Variants in BPTF observed in about 807,000 individuals in gnomAD.
BPTF encodes the protein nucleosome-remodeling factor subunit BPTF.
A neutral mutation model predicts 292.5 loss-of-function variants in BPTF; 18 were observed. The observed-to-expected ratio is 0.06, with a 90% CI of 0.04 to 0.09. The LOEUF (loss-of-function observed/expected upper bound fraction) is 0.09. BPTF is among the 10% of genes least tolerant of loss of function. BPTF has a pLI of 1.00. For synonymous variants in BPTF, 1,225 were observed against 1,251.9 expected, an observed-to-expected ratio of 0.98 and a Z score of 0.45; for missense variants, 2,726 against 3,498.7, an observed-to-expected ratio of 0.78 and a Z score of 5.57.
chr17:67,961,651 A>C (rs2067500967), intron 24 of BPTF, among the ~76,000 whole-genome samples: 1 of 152,030 alleles, frequency 6.6e-6, no homozygotes, highest in African/African-American at 2.4e-5. Flanking sequence ...GTTTGAGACC[A>C]GTCTGGGCAA....
intron 4 of BPTF, among the ~76,000 whole-genome samples, chr17:67,878,121 T>A (rs946778120): frequency 3.9e-5 from 6 of 152,202 alleles, no homozygotes; most frequent in South Asian, 2.1e-4. Context: ...TTGCCTTTTT[T>A]AAAAAAATTA....
chr17:67,944,683 T>C, intron 20 of BPTF: 2 of 373,164 alleles, frequency 5.4e-6, no homozygotes, highest in Middle Eastern at 8.0e-4. Flanking sequence ...GATTCAGTCA[T>C]GGAGGTGATC....
Position 67,911,314 on chromosome 17 carries a change from G to A in BPTF, c.3430G>A (p.Asp1144Asn), listed in dbSNP as rs2062637226. The change falls in exon 11 of 28, where the codon GAT (aspartate) becomes AAT (asparagine). Residue 1144 changes from aspartate (D) to asparagine (N), a missense_variant. Physicochemically the swap from Asp to Asn is conservative, Grantham distance 23. Coordinates refer to ENST00000306378, the MANE Select transcript of BPTF (RefSeq NM_182641.4). ...CTTGATTCAGGGATGTTCAGAAAGT[G>A]ATTCCTCAGTTCTTAGAATGAGTGA... ...EDLIQGCSESDSSVLRMSDPS... is the reference protein window; with the variant it reads ...EDLIQGCSESNSSVLRMSDPS... 4 of 1,614,090 alleles carry A rather than the reference G, an allele frequency of 2.5e-6. No homozygotes were observed. Among genetic ancestry groups the A allele is most frequent in the Non-Finnish European group, 3.4e-6 (4 of 1,180,010 alleles).
chr17:67,971,982 A>G (rs546036124), intron 26 of BPTF, among the ~76,000 whole-genome samples: 8 of 152,230 alleles, frequency 5.3e-5, no homozygotes, highest in South Asian at 2.1e-4. Flanking sequence ...CTTTGAGAAT[A>G]TTTATTTCAA....
chr17:67,940,414 T>G, intron 18 of BPTF, 25 bp from the exon 19 acceptor site: 3 of 1,601,144 alleles, frequency 1.9e-6, no homozygotes, highest in South Asian at 2.2e-5. Context: ...GTATAAGCAT[T>G]CATAATGTTT....
chr17:67,901,121 A>G (rs187016164), intron 7 of BPTF, among the ~76,000 whole-genome samples: 1 of 152,308 alleles, frequency 6.6e-6, no homozygotes, highest in Non-Finnish European at 1.5e-5. Context: ...CACATTTTGA[A>G]GCTTCAATAA....
chr17:67,886,852 A>G (rs975613857), intron 4 of BPTF, among the ~76,000 whole-genome samples: 2 of 152,194 alleles, frequency 1.3e-5, no homozygotes, highest in African/African-American at 4.8e-5. Flanking sequence ...ACTCCAGAGT[A>G]TGGATGAACC....
intron 1 of BPTF, among the ~76,000 whole-genome samples, chr17:67,835,258 A>G (rs1247948287): frequency 6.6e-6 from 1 of 152,150 alleles, no homozygotes; most frequent in East Asian, 1.9e-4. Context: ...CTCCTGTGGC[A>G]CTAGCTGTTA....
At chr17:67,946,731 A>G (rs1382734614) in intron 21 of BPTF, among the ~76,000 whole-genome samples, 2 of 152,164 alleles carry the variant, frequency 1.3e-5, no homozygotes, top group Non-Finnish European at 2.9e-5. Flanking sequence ...GACAGATTAA[A>G]CTCATTTGCA....
chr17:67,872,671 A>T (rs749523063), intron 3 of BPTF, among the ~76,000 whole-genome samples: 1 of 152,082 alleles, frequency 6.6e-6, no homozygotes. Context: ...ACGCCACTGC[A>T]CTCCAGCCTG....
chr17:67,909,523 A>G (rs1187629752), intron 9 of BPTF, 59 bp from the exon 10 acceptor site: 8 of 1,096,626 alleles, frequency 7.3e-6, no homozygotes, highest in East Asian at 2.6e-5. Flanking sequence ...TAAACTTGAC[A>G]TATTAAAGTG....
intron 1 of BPTF, among the ~76,000 whole-genome samples, chr17:67,832,017 G>A (rs759103454): frequency 6.6e-6 from 1 of 151,818 alleles, no homozygotes; most frequent in Non-Finnish European, 1.5e-5. Context: ...TCAGCCTCCC[G>A]AGTAGGGGAC....
intron 3 of BPTF, among the ~76,000 whole-genome samples, chr17:67,871,332 C>G (rs1426388973): frequency 1.3e-5 from 2 of 150,988 alleles, no homozygotes; most frequent in African/African-American, 4.9e-5. Context: ...ATCCTAGCTA[C>G]TCGGGAAGCT....
chr17:67,855,621 G>A (rs1424666132), intron 2 of BPTF, among the ~76,000 whole-genome samples: 4 of 152,166 alleles, frequency 2.6e-5, no homozygotes, highest in Non-Finnish European at 5.9e-5. Flanking sequence ...TGTGGGCGAG[G>A]TCAGGAGACA....
chr17:67,970,526 G>A (rs1288267188), intron 26 of BPTF, among the ~76,000 whole-genome samples: 1 of 152,166 alleles, frequency 6.6e-6, no homozygotes, highest in Non-Finnish European at 1.5e-5. Context: ...AGAAGTGAAA[G>A]TTACAGAGCA....
chr17:67,923,471 C>CTTTTTTTTTTTTTTTTTTTTTT (rs58462646), intron 14 of BPTF, among the ~76,000 whole-genome samples: 1 of 67,494 alleles, frequency 1.5e-5, no homozygotes, highest in African/African-American at 5.9e-5. Flanking sequence ...CTCTCTCTGT[C>CTTTTTTTTTTTTTTTTTTTTTT]TTTTTTTTTT....
chr17:67,879,397 C>G (rs2060250948), intron 4 of BPTF, among the ~76,000 whole-genome samples: 1 of 152,144 alleles, frequency 6.6e-6, no homozygotes. Context: ...GCCTCAGCCT[C>G]CCAAAGTGCT....
intron 4 of BPTF, among the ~76,000 whole-genome samples, chr17:67,887,705 G>A (rs537789720): frequency 1.2e-4 from 19 of 152,242 alleles, no homozygotes; most frequent in African/African-American, 4.6e-4. Flanking sequence ...TGGGAAGTCC[G>A]AGCCATCATC....
At chr17:67,950,706 G>C (rs781875648) in intron 23 of BPTF, among the ~76,000 whole-genome samples, 1 of 151,988 alleles carries the variant, frequency 6.6e-6, no homozygotes, top group Admixed American at 6.6e-5. Flanking sequence ...CAGGCATGGT[G>C]GTGGGTGCCT....
Sources: gnomAD v4.1 joint callset for allele counts (sites outside exome capture counted in the v4.1 genomes callset) on GRCh38, gnomAD v4.1.1 for gene constraint, MANE v1.5 for transcripts, NCBI Gene and HGNC (gene_info 2026-07-23, HGNC 2026-07-21) for gene names.